GNB4: variants seen among roughly 807,000 people sequenced by gnomAD.
GNB4 encodes G protein subunit beta 4.
In GNB4, 28 loss-of-function variants were observed where a neutral mutation model predicts 45.2. That is an observed-to-expected ratio of 0.62 (90% CI 0.46 to 0.85). The LOEUF is 0.85. GNB4 is among the 40% of genes least tolerant of loss of function. GNB4 has a pLI of 0.00. For missense variants in GNB4, 321 were observed against 425.4 expected (o/e 0.75, Z 2.16); for synonymous variants, 132 against 143.7 (o/e 0.92, Z 0.58).
chr3:179,486,114 T>C, the GNB4 span, among the ~76,000 whole-genome samples: 4 of 149,512 alleles, frequency 2.7e-5, no homozygotes, highest in Non-Finnish European at 5.9e-5. Context: ...CCCCAGCTAC[T>C]CGGGAGGCTG....
At chr3:179,473,644 G>T in the GNB4 span, among the ~76,000 whole-genome samples, 1 of 152,014 alleles carries the variant, frequency 6.6e-6, no homozygotes, top group African/African-American at 2.4e-5. Context: ...CTGGGAAGTG[G>T]TGTCAATTCT....
chr3:179,526,940 C>T, the GNB4 span, among the ~76,000 whole-genome samples: 1 of 152,200 alleles, frequency 6.6e-6, no homozygotes, highest in Non-Finnish European at 1.5e-5. Context: ...TACAAATGGA[C>T]ATTGTAGAAT....
intron 8 of GNB4, among the ~76,000 whole-genome samples, chr3:179,406,604 T>C (rs569322335): frequency 4.6e-5 from 7 of 152,236 alleles, no homozygotes; most frequent in Non-Finnish European, 1.0e-4. Flanking sequence ...TGTTGGTTTC[T>C]TTTAATTACT....
intron 1 of GNB4, among the ~76,000 whole-genome samples, chr3:179,434,198 A>C (rs1259226041): frequency 6.6e-6 from 1 of 152,216 alleles, no homozygotes; most frequent in East Asian, 1.9e-4. Flanking sequence ...TAATAACAAT[A>C]AACTGCAACA....
intron 1 of GNB4, among the ~76,000 whole-genome samples, chr3:179,431,512 T>C (rs975381151): frequency 1.1e-4 from 17 of 150,736 alleles, no homozygotes; most frequent in African/African-American, 3.7e-4. Flanking sequence ...TGAGCTGAGA[T>C]TGCGCCACTG....
intron 8 of GNB4, among the ~76,000 whole-genome samples, chr3:179,407,833 T>C (rs1431179264): frequency 6.6e-6 from 1 of 152,080 alleles, no homozygotes; most frequent in Non-Finnish European, 1.5e-5. Context: ...ACAAAAATAA[T>C]GCCTATCCCC....
At chr3:179,456,138 A>C (rs1404738692), upstream of GNB4, among the ~76,000 whole-genome samples, 5 of 138,762 alleles carry the variant, frequency 3.6e-5, no homozygotes, top group East Asian at 8.2e-4. Flanking sequence ...TTTAGACAAG[A>C]TCTCGCTCCG....
At chr3:179,428,568 G>C (rs16830465) in intron 1 of GNB4, among the ~76,000 whole-genome samples, 193 of 152,212 alleles carry the variant, frequency 1.3e-3, no homozygotes, top group African/African-American at 4.4e-3. Context: ...AAAACATTTT[G>C]GGTAAGCACA....
the GNB4 span, among the ~76,000 whole-genome samples, chr3:179,502,614 G>A: frequency 6.6e-6 from 1 of 151,880 alleles, no homozygotes; most frequent in Non-Finnish European, 1.5e-5. Flanking sequence ...TGCTATTGCT[G>A]CTATGTTTAC....
rs950612119 is a variant in GNB4, at chr3:179,407,187, C to T, written c.700-1781G>A. 3.3e-5 allele frequency among the ~76,000 whole-genome samples: 5 copies of T among 152,256 alleles called. No individual in the cohort carries two copies. In the East Asian group the frequency reaches 5.8e-4, roughly 18 times the overall value. The stretch of plus-strand genomic sequence containing the variant: ...AACAATAAATAAAACAGGCCAGGCA[C>T]GGTGGCTCACACCTGTAATCGAGCA... On this transcript the variant is annotated intron_variant, in intron 8 of 9. Coordinates refer to ENST00000232564, the MANE Select transcript of GNB4 (RefSeq NM_021629.4).
In GNB4 at chr3:179,399,248, G is replaced by C. The variant is rs1295661849; in HGVS notation, c.*1965C>G. The C allele has an allele frequency of 6.6e-6, 1 of 151,948 alleles. No individual in the cohort carries two copies. Among genetic ancestry groups the C allele is most frequent in the Non-Finnish European group, 1.5e-5 (1 of 68,028 alleles). The allele number at this position is 151,948 out of a possible 1,614,324, so 9.4% of individuals were successfully genotyped here. ...GATGGAGTCTCACTCTGTCGCCTAG[G>C]CTGGAGTGCAGTGGCACAATCTCGG... is the stretch of plus-strand genomic sequence containing the variant. On this transcript the variant is annotated 3_prime_UTR_variant, in exon 10 of 10. Transcript: ENST00000232564.
At chr3:179,437,333 G>A (rs1715479059) in intron 1 of GNB4, among the ~76,000 whole-genome samples, 1 of 152,152 alleles carries the variant, frequency 6.6e-6, no homozygotes, top group Admixed American at 6.5e-5. Context: ...GGGAGGCCGA[G>A]GCAGGCGGAT....
chr3:179,512,263 T>A, the GNB4 span, among the ~76,000 whole-genome samples: 1 of 152,222 alleles, frequency 6.6e-6, no homozygotes, highest in Non-Finnish European at 1.5e-5. Flanking sequence ...AATAAACCCA[T>A]TAAGAGCATC....
the GNB4 span, among the ~76,000 whole-genome samples, chr3:179,468,930 G>C: frequency 6.6e-6 from 1 of 152,112 alleles, no homozygotes; most frequent in Non-Finnish European, 1.5e-5. Flanking sequence ...TCTGAAGCCT[G>C]CTACCTGGGG....
chr3:179,401,987 A>G (rs1166764627), intron 9 of GNB4, among the ~76,000 whole-genome samples: 7 of 149,468 alleles, frequency 4.7e-5, no homozygotes, highest in Non-Finnish European at 1.0e-4. Flanking sequence ...AGAATACATC[A>G]AATGCTCAAA....
chr3:179,477,098 G>A, the GNB4 span, among the ~76,000 whole-genome samples: 1 of 152,090 alleles, frequency 6.6e-6, no homozygotes, highest in Non-Finnish European at 1.5e-5. Context: ...TATCTGAAGT[G>A]CCTTTGGAGT....
At chr3:179,441,283 C>G (rs941005436) in intron 1 of GNB4, among the ~76,000 whole-genome samples, 2 of 152,192 alleles carry the variant, frequency 1.3e-5, no homozygotes, top group Non-Finnish European at 2.9e-5. Flanking sequence ...TTACACACAC[C>G]TAGATGGTAT....
the GNB4 span, among the ~76,000 whole-genome samples, chr3:179,501,571 C>T: frequency 3.3e-5 from 5 of 151,964 alleles, no homozygotes; most frequent in South Asian, 2.1e-4. Context: ...GTGATCCACC[C>T]GCCTTGGCCT....
At position 179,397,289 on chromosome 3, in the gene GNB4, C is replaced by G. The variant is rs1401108453; in HGVS notation, c.*3924G>C. Reference sequence around the variant, plus strand: ...TGTTCACATTTAAAATGCTTAAGGTCTTATTATTAAATCCAAAATACCAAA... The same window carrying G: ...TGTTCACATTTAAAATGCTTAAGGTGTTATTATTAAATCCAAAATACCAAA... On this transcript the variant is annotated 3_prime_UTR_variant, in exon 10 of 10. Transcript: ENST00000232564. The G allele has an allele frequency of 2.0e-5, 3 of 152,160 alleles. No individual in the cohort carries two copies. Among genetic ancestry groups the G allele is most frequent in the Non-Finnish European group, 4.4e-5 (3 of 68,028 alleles). 9.4% of individuals were successfully genotyped at this position (152,160 alleles called of 1,614,324 possible). A position where few individuals can be genotyped will look rare whatever the true frequency, so the allele number is the denominator to read the frequency against.
Sources: allele counts gnomAD v4.1 joint callset (sites outside exome capture counted in the v4.1 genomes callset), GRCh38; gene constraint gnomAD v4.1.1; transcripts MANE v1.5; gene names NCBI Gene and HGNC (gene_info 2026-07-23, HGNC 2026-07-21).